DLEU7: variants seen among roughly 807,000 people sequenced by gnomAD.
DLEU7 encodes deleted in lymphocytic leukemia 7, also known as leukemia-associated protein 7.
Under a neutral mutation model 16.0 loss-of-function variants are expected in DLEU7, and 17 were observed. The observed-to-expected ratio is 1.06, with a 90% CI of 0.73 to 1.59. DLEU7 has a LOEUF of 1.59. DLEU7 is among the 40% of genes most tolerant of loss of function. DLEU7 has a pLI of 0.00. For missense variants in DLEU7, 308 were observed against 314.9 expected, an observed-to-expected ratio of 0.98 and a Z score of 0.17; for synonymous variants, 113 against 139.8, an observed-to-expected ratio of 0.81 and a Z score of 1.35.
chr13:50,778,779 AT>A (rs1216411721), intron 1 of DLEU7, among the ~76,000 whole-genome samples: 1 of 152,362 alleles, frequency 6.6e-6, no homozygotes, highest in East Asian at 1.9e-4. Flanking sequence ...CATGAACTCA[AT>A]TTAGATAAAG....
At chr13:50,753,281 G>A (rs1164983418) in intron 1 of DLEU7, among the ~76,000 whole-genome samples, 1 of 152,250 alleles carries the variant, frequency 6.6e-6, no homozygotes, top group Non-Finnish European at 1.5e-5. Context: ...AGGTGGAGCT[G>A]CCTGCCAGTC....
At chr13:50,790,794 C>A (rs913315145) in intron 1 of DLEU7, among the ~76,000 whole-genome samples, 1 of 152,160 alleles carries the variant, frequency 6.6e-6, no homozygotes, top group Non-Finnish European at 1.5e-5. Context: ...AGATTAGCCA[C>A]GGATGCTCTC....
chr13:50,761,160 G>C (rs943630320), intron 1 of DLEU7, among the ~76,000 whole-genome samples: 1 of 152,058 alleles, frequency 6.6e-6, no homozygotes, highest in Non-Finnish European at 1.5e-5. Flanking sequence ...ATCAACCAGA[G>C]CACCATTCAT....
intron 1 of DLEU7, among the ~76,000 whole-genome samples, chr13:50,713,709 C>G (rs577248503): frequency 6.6e-6 from 1 of 152,118 alleles, no homozygotes; most frequent in Non-Finnish European, 1.5e-5. Flanking sequence ...AGCCTGCATA[C>G]GGTAGGCATT....
chr13:50,791,244 C>T (rs566099696), intron 1 of DLEU7, among the ~76,000 whole-genome samples: 1 of 152,314 alleles, frequency 6.6e-6, no homozygotes, highest in East Asian at 1.9e-4. Context: ...GAGCAATGTG[C>T]AGGGTCAGGC....
intron 1 of DLEU7, among the ~76,000 whole-genome samples, chr13:50,778,676 C>G (rs919192869): frequency 2.0e-5 from 3 of 152,204 alleles, no homozygotes; most frequent in Admixed American, 2.0e-4. Context: ...ATAGTGCCAG[C>G]TCTTTTAACT....
At chr13:50,733,109 T>A (rs951938840) in intron 1 of DLEU7, among the ~76,000 whole-genome samples, 2 of 152,176 alleles carry the variant, frequency 1.3e-5, no homozygotes, top group Non-Finnish European at 2.9e-5. Flanking sequence ...AGCATGCCAT[T>A]GTTTTAGATA....
At chr13:50,711,776 G>GGGGGGGGGGGT (rs1566225409), downstream of DLEU7, 3 of 118,898 alleles carry the variant, frequency 2.5e-5, no homozygotes, top group African/African-American at 1.0e-4. Context: ...CAGTGGCGGG[G>GGGGGGGGGGGT]GCGGGGGGCA....
In DLEU7 at chr13:50,798,658, T is replaced by G. The variant is rs765273440; in HGVS notation, c.459+44530A>C. Among the ~76,000 whole-genome samples the G allele has an allele frequency of 7.9e-5, 12 of 152,200 alleles. 1 individual carries two copies. The highest frequency in any genetic ancestry group is 1.3e-4 in the Non-Finnish European group (9 of 68,020). ...CTATTTGGCTGCTCCCAACATGCAG[T>G]GAGGCAAGAGAAACTCTCTGAGGCT... is the stretch of plus-strand genomic sequence containing the variant. On this transcript the variant is annotated intron_variant, in intron 1 of 1. Transcript: ENST00000400393.
At chr13:50,758,214 G>A (rs1460852021) in intron 1 of DLEU7, among the ~76,000 whole-genome samples, 1 of 151,664 alleles carries the variant, frequency 6.6e-6, no homozygotes, top group Non-Finnish European at 1.5e-5. Context: ...ATGTTTAATG[G>A]GGAAAATAGA....
intron 1 of DLEU7, among the ~76,000 whole-genome samples, chr13:50,839,228 T>C (rs562778349): frequency 1.6e-4 from 24 of 152,380 alleles, no homozygotes; most frequent in African/African-American, 5.8e-4. Flanking sequence ...ACTTCTTAGC[T>C]GCAGGGTCTT....
chr13:50,806,637 T>A (rs917082017), intron 1 of DLEU7, among the ~76,000 whole-genome samples: 1 of 152,106 alleles, frequency 6.6e-6, no homozygotes, highest in Non-Finnish European at 1.5e-5. Flanking sequence ...TATTAAAAAA[T>A]AGGAGCAATC....
At position 50,736,919 on chromosome 13, in the gene DLEU7, C is replaced by T. The variant is rs182362942; in HGVS notation, c.460-23679G>A. Among the ~76,000 whole-genome samples, 334 of 152,012 alleles carry T rather than the reference C, an allele frequency of 2.2e-3. 1 individual carries two copies. The highest frequency in any genetic ancestry group is 7.9e-3 in the African/African-American group (328 of 41,470). ...TTAGCAACTTGAGGTTAACAAATTC[C>T]TTGAAAAATACAACTTACATAATGT... On this transcript the variant is annotated intron_variant, in intron 1 of 1. Coordinates refer to the DLEU7 transcript ENST00000400393.
downstream of DLEU7, among the ~76,000 whole-genome samples, chr13:50,822,384 T>C (rs569080832): frequency 2.6e-5 from 4 of 152,296 alleles, no homozygotes; most frequent in African/African-American, 9.6e-5. Context: ...TCTGTTGCTG[T>C]TTCTATTAAA....
At chr13:50,741,912 A>C (rs1276632046) in intron 1 of DLEU7, among the ~76,000 whole-genome samples, 2 of 152,194 alleles carry the variant, frequency 1.3e-5, no homozygotes, top group East Asian at 3.8e-4. Flanking sequence ...AAATTGTCAA[A>C]CTTAGTATGC....
intron 1 of DLEU7, among the ~76,000 whole-genome samples, chr13:50,762,106 G>A (rs368346404): frequency 6.8e-5 from 10 of 146,712 alleles, no homozygotes; most frequent in African/African-American, 2.5e-4. Context: ...GCAGAGAATT[G>A]CTTGAGCCCG....
chr13:50,783,320 T>C (rs572275153), intron 1 of DLEU7, among the ~76,000 whole-genome samples: 56 of 152,186 alleles, frequency 3.7e-4, no homozygotes, highest in Non-Finnish European at 7.1e-4. Flanking sequence ...AACAATGACA[T>C]GAACAAAATC....
intron 1 of DLEU7, among the ~76,000 whole-genome samples, chr13:50,754,078 T>C (rs1017870745): frequency 6.6e-6 from 1 of 152,244 alleles, no homozygotes; most frequent in Non-Finnish European, 1.5e-5. Context: ...TATTCCAGCT[T>C]ATTTTATGGC....
chr13:50,836,721 G>T (rs977374917), intron 1 of DLEU7, among the ~76,000 whole-genome samples: 1 of 151,842 alleles, frequency 6.6e-6, no homozygotes, highest in Non-Finnish European at 1.5e-5. Context: ...AAAGGAAGGA[G>T]GCAAGGAAGG....
Sources: allele counts gnomAD v4.1 joint callset (sites outside exome capture counted in the v4.1 genomes callset), GRCh38; gene constraint gnomAD v4.1.1; transcripts MANE v1.5; gene names NCBI Gene and HGNC (gene_info 2026-07-23, HGNC 2026-07-21).